Variants in LDLRAD3 observed in about 807,000 individuals in gnomAD.
The protein encoded by LDLRAD3 is low density lipoprotein receptor class A domain containing 3.
LDLRAD3 carries 20 observed loss-of-function variants against 29.4 expected under a neutral mutation model. The ratio of observed to expected loss-of-function variants is 0.68; its 90% CI spans 0.48 to 0.99. The LOEUF (loss-of-function observed/expected upper bound fraction) is 0.99, where lower values mean the gene tolerates loss of function less well. Ranked by LOEUF, LDLRAD3 falls within the 50% of genes least tolerant of loss-of-function variation. The probability of loss-of-function intolerance (pLI) is 0.00; values close to 1 mark genes in which losing one functional copy is unlikely to be tolerated. For missense variants in LDLRAD3, 420 were observed against 454.3 expected (o/e 0.92, Z 0.69); for synonymous variants, 157 against 192.7 (o/e 0.81, Z 1.53).
intron 4 of LDLRAD3, among the ~76,000 whole-genome samples, chr11:36,151,984 T>C (rs1298843556): frequency 6.6e-6 from 1 of 152,132 alleles, no homozygotes; most frequent in Non-Finnish European, 1.5e-5. Flanking sequence ...TGCAGTGACT[T>C]CTGTGACCAC....
intron 1 of LDLRAD3, among the ~76,000 whole-genome samples, chr11:36,033,459 C>T (rs1464513545): frequency 2.0e-5 from 3 of 152,204 alleles, no homozygotes; most frequent in Non-Finnish European, 4.4e-5. Context: ...ACTTTGGAAT[C>T]TAATCTGGCC....
intron 4 of LDLRAD3, among the ~76,000 whole-genome samples, chr11:36,099,583 G>T (rs991768961): frequency 6.6e-6 from 1 of 152,168 alleles, no homozygotes; most frequent in Non-Finnish European, 1.5e-5. Flanking sequence ...AGAGAATGAT[G>T]GTTAACTGCT....
chr11:35,954,546 GA>G (rs1443316936), intron 1 of LDLRAD3, among the ~76,000 whole-genome samples: 3 of 152,194 alleles, frequency 2.0e-5, no homozygotes, highest in Admixed American at 6.5e-5. Flanking sequence ...GATCACTAAA[GA>G]CATGACTATG....
chr11:35,984,265 C>T (rs576101426), intron 1 of LDLRAD3, among the ~76,000 whole-genome samples: 3 of 152,160 alleles, frequency 2.0e-5, no homozygotes, highest in South Asian at 2.1e-4. Flanking sequence ...ATTTGTTGAC[C>T]GCCCACAATG....
intron 4 of LDLRAD3, among the ~76,000 whole-genome samples, chr11:36,161,862 T>C (rs1253089113): frequency 6.6e-6 from 1 of 152,204 alleles, no homozygotes; most frequent in Non-Finnish European, 1.5e-5. Context: ...GCTTCATGGG[T>C]GTTCATTAAA....
chr11:36,057,170 T>C (rs1412470432), intron 2 of LDLRAD3, among the ~76,000 whole-genome samples: 1 of 152,172 alleles, frequency 6.6e-6, no homozygotes, highest in African/African-American at 2.4e-5. Flanking sequence ...CTCAGGAAAC[T>C]GCCAGTGTCC....
At chr11:36,011,325 CAGTT>C (rs1479170843) in intron 1 of LDLRAD3, among the ~76,000 whole-genome samples, 1 of 152,148 alleles carries the variant, frequency 6.6e-6, no homozygotes, top group African/African-American at 2.4e-5. Context: ...ATGAATGAAT[CAGTT>C]AGTTGAATGA....
intron 1 of LDLRAD3, among the ~76,000 whole-genome samples, chr11:36,012,242 C>T (rs780823048): frequency 1.2e-4 from 18 of 152,136 alleles, no homozygotes; most frequent in Admixed American, 5.9e-4. Flanking sequence ...AATGCCTTTC[C>T]ATCCTAACTA....
At chr11:35,966,299 C>T (rs951878047) in intron 1 of LDLRAD3, among the ~76,000 whole-genome samples, 1 of 152,098 alleles carries the variant, frequency 6.6e-6, no homozygotes, top group Non-Finnish European at 1.5e-5. Flanking sequence ...GTGGTATGCA[C>T]CTGTAGTCCC....
At chr11:36,060,237 C>A (rs375356129) in intron 2 of LDLRAD3, among the ~76,000 whole-genome samples, 1 of 151,776 alleles carries the variant, frequency 6.6e-6, no homozygotes, top group East Asian at 1.9e-4. Context: ...ACCTGTAATC[C>A]CAGCTACTCG....
At chr11:36,208,098 C>T (rs1224047923) in intron 4 of LDLRAD3, among the ~76,000 whole-genome samples, 2 of 151,986 alleles carry the variant, frequency 1.3e-5, no homozygotes, top group Non-Finnish European at 2.9e-5. Flanking sequence ...AAGATGAGCC[C>T]GAAGCATCTT....
chr11:36,128,716 A>G lies in LDLRAD3; in HGVS notation c.454+30255A>G, dbSNP rs144787310. On this transcript the variant is annotated intron_variant, in intron 4 of 5. Transcript: ENST00000315571. ...ATACAAAAATTAGCCTGGTGTGGTG[A>G]TAGGCACCTGTAGTCTCAGCTACTC... Among the ~76,000 whole-genome samples, 957 of 152,108 alleles carry G rather than the reference A, an allele frequency of 6.3e-3. 9 individuals carry two copies. Among genetic ancestry groups the G allele is most frequent in the African/African-American group, 0.022 (898 of 41,490 alleles).
At chr11:36,088,052 G>A (rs1853221594) in intron 3 of LDLRAD3, among the ~76,000 whole-genome samples, 1 of 151,654 alleles carries the variant, frequency 6.6e-6, no homozygotes, top group Non-Finnish European at 1.5e-5. Context: ...ATGGGGTTTT[G>A]CCATGTTGCC....
intron 4 of LDLRAD3, among the ~76,000 whole-genome samples, chr11:36,138,316 C>T (rs1256376806): frequency 3.9e-5 from 6 of 152,224 alleles, no homozygotes; most frequent in Non-Finnish European, 7.3e-5. Flanking sequence ...TAATGTGTGT[C>T]GTGCCTAGCA....
intron 4 of LDLRAD3, among the ~76,000 whole-genome samples, chr11:36,175,582 A>G (rs772199684): frequency 5.5e-4 from 84 of 152,294 alleles, no homozygotes; most frequent in Middle Eastern, 3.4e-3. Flanking sequence ...ATCATTCAGG[A>G]GCAGATTATT....
intron 1 of LDLRAD3, among the ~76,000 whole-genome samples, chr11:35,975,830 ATTT>A (rs35771900): frequency 3.7e-5 from 5 of 136,752 alleles, no homozygotes; most frequent in African/African-American, 5.3e-5. Context: ...AGCACTGGGG[ATTT>A]TTTTTTTTTT....
chr11:36,076,664 G>T (rs1383135384), intron 2 of LDLRAD3, among the ~76,000 whole-genome samples: 20 of 152,202 alleles, frequency 1.3e-4, no homozygotes. Context: ...GGGATTACAG[G>T]CGTCAGCCAA....
intron 1 of LDLRAD3, among the ~76,000 whole-genome samples, chr11:35,965,516 G>C (rs1038941463): frequency 2.0e-5 from 3 of 152,146 alleles, no homozygotes; most frequent in African/African-American, 7.2e-5. Flanking sequence ...TTTGTTTTCA[G>C]GTATGTGGGT....
chr11:36,179,924 G>A (rs1327377391), intron 4 of LDLRAD3, among the ~76,000 whole-genome samples: 1 of 152,134 alleles, frequency 6.6e-6, no homozygotes, highest in Non-Finnish European at 1.5e-5. Flanking sequence ...CTTGAACCCA[G>A]ATCGAGGCCA....
Sources: allele counts gnomAD v4.1 joint callset (sites outside exome capture counted in the v4.1 genomes callset), GRCh38; gene constraint gnomAD v4.1.1; transcripts MANE v1.5; gene names NCBI Gene and HGNC (gene_info 2026-07-23, HGNC 2026-07-21).